DCLK1: variants seen among roughly 807,000 people sequenced by gnomAD.
The protein encoded by DCLK1 is doublecortin like kinase 1.
DCLK1 carries 16 observed loss-of-function variants against 86.2 expected under a neutral mutation model. The ratio of observed to expected loss-of-function variants is 0.19; its 90% CI spans 0.13 to 0.28. The LOEUF (loss-of-function observed/expected upper bound fraction) is 0.28, where lower values mean the gene tolerates loss of function less well. Among genes scored for constraint, DCLK1 ranks in the 10% least tolerant of loss-of-function variants. DCLK1 has a pLI of 1.00. For missense variants in DCLK1, 590 were observed against 940.2 expected (o/e 0.63, Z 4.87); for synonymous variants, 369 against 370.5 (o/e 1.00, Z 0.05).
chr13:35,955,946 G>A (rs1475339946), intron 3 of DCLK1, among the ~76,000 whole-genome samples: 1 of 152,140 alleles, frequency 6.6e-6, no homozygotes. Flanking sequence ...GGGAAAGAGA[G>A]GTATGAAGAA....
intron 3 of DCLK1, among the ~76,000 whole-genome samples, chr13:36,004,864 C>T (rs1444327519): frequency 6.6e-6 from 1 of 152,214 alleles, no homozygotes; most frequent in Admixed American, 6.5e-5. Flanking sequence ...AGGCGTGAGC[C>T]ACCGCACCTG....
intron 3 of DCLK1, among the ~76,000 whole-genome samples, chr13:36,064,117 C>A (rs573269905): frequency 1.3e-5 from 2 of 152,116 alleles, no homozygotes; most frequent in Admixed American, 6.5e-5. Flanking sequence ...ACTATTCACA[C>A]GTGATGTTAT....
At chr13:35,948,389 T>C (rs1877495674) in intron 3 of DCLK1, among the ~76,000 whole-genome samples, 1 of 152,182 alleles carries the variant, frequency 6.6e-6, no homozygotes, top group Admixed American at 6.5e-5. Context: ...AATAGCATTT[T>C]CTCCTGGATA....
chr13:36,055,915 C>G (rs1308732640), intron 3 of DCLK1, among the ~76,000 whole-genome samples: 2 of 152,082 alleles, frequency 1.3e-5, no homozygotes, highest in Admixed American at 1.3e-4. Flanking sequence ...GCCATTCTAA[C>G]TGGTGTGAGA....
At position 35,796,937 on chromosome 13, in the gene DCLK1, T is replaced by C. The variant is rs148032210; in HGVS notation, c.1945-3458A>G. Among the ~76,000 whole-genome samples, 231 of 152,292 alleles carry C rather than the reference T, an allele frequency of 1.5e-3. 1 individual carries two copies. The highest frequency in any genetic ancestry group is 5.4e-3 in the African/African-American group (225 of 41,580). ...TTAATGGAGCCTGGGAATCATCTGGTGGTCAATAAAAGAGACGCTGAGCAT... is the reference window on the plus strand; with the variant it reads ...TTAATGGAGCCTGGGAATCATCTGGCGGTCAATAAAAGAGACGCTGAGCAT... On this transcript the variant is annotated intron_variant, in intron 15 of 16. Coordinates refer to ENST00000360631, the MANE Select transcript of DCLK1 (RefSeq NM_001330071.2).
chr13:35,920,572 A>G (rs989131792), intron 4 of DCLK1, among the ~76,000 whole-genome samples: 3 of 152,158 alleles, frequency 2.0e-5, no homozygotes, highest in African/African-American at 7.2e-5. Context: ...TGTGGAGGAA[A>G]CCAATGAGTG....
At chr13:36,096,468 G>A (rs1020308246) in intron 3 of DCLK1, among the ~76,000 whole-genome samples, 2 of 152,234 alleles carry the variant, frequency 1.3e-5, no homozygotes, top group Admixed American at 1.3e-4. Context: ...CAGCTTTACT[G>A]TACGGCAGAA....
chr13:35,985,889 A>G (rs908652027), intron 3 of DCLK1, among the ~76,000 whole-genome samples: 4 of 152,220 alleles, frequency 2.6e-5, no homozygotes, highest in African/African-American at 7.2e-5. Flanking sequence ...TCAGGAAGAA[A>G]GCCACATCCT....
At chr13:36,016,751 A>T (rs1173728241) in intron 3 of DCLK1, among the ~76,000 whole-genome samples, 1 of 152,254 alleles carries the variant, frequency 6.6e-6, no homozygotes, top group African/African-American at 2.4e-5. Flanking sequence ...TAAACTAAAA[A>T]GAAATAAATG....
intron 3 of DCLK1, among the ~76,000 whole-genome samples, chr13:36,038,920 T>C (rs1882603958): frequency 6.6e-6 from 1 of 152,232 alleles, no homozygotes; most frequent in South Asian, 2.1e-4. Flanking sequence ...TCTTGAGCAC[T>C]CATTTTAGAA....
chr13:35,837,296 A>G (rs139720931), intron 7 of DCLK1, among the ~76,000 whole-genome samples: 53 of 152,316 alleles, frequency 3.5e-4, no homozygotes, highest in African/African-American at 1.2e-3. Context: ...GAAAGCGTTG[A>G]ACAAATGTAG....
intron 4 of DCLK1, among the ~76,000 whole-genome samples, chr13:35,881,106 A>C (rs1167682268): frequency 1.3e-5 from 2 of 152,132 alleles, no homozygotes; most frequent in Non-Finnish European, 2.9e-5. Flanking sequence ...GCCGGGGAAA[A>C]ACCCCCTTTC....
chr13:36,019,800 G>A (rs955235444), intron 3 of DCLK1, among the ~76,000 whole-genome samples: 4 of 152,146 alleles, frequency 2.6e-5, no homozygotes, highest in Non-Finnish European at 5.9e-5. Flanking sequence ...ACAGCGAAAG[G>A]CACATTGTAA....
At chr13:35,997,052 G>GC (rs11377228) in intron 3 of DCLK1, among the ~76,000 whole-genome samples, 69,086 of 152,020 alleles carry the variant, frequency 0.45, 16,147 homozygotes, top group Admixed American at 0.51. Context: ...GTTTAATGAT[G>GC]TTTGAGTTGA....
chr13:35,952,459 C>T (rs2153134610), intron 3 of DCLK1, among the ~76,000 whole-genome samples: 1 of 152,288 alleles, frequency 6.6e-6, no homozygotes, highest in Non-Finnish European at 1.5e-5. Context: ...CAGAATGATG[C>T]TGCGAAAAGT....
At position 35,914,350 on chromosome 13, in the gene DCLK1, CATATATATATATATATATGT is replaced by C. The variant is rs1566600259; in HGVS notation, c.823+32988_823+33007del. ...AAAAAAAAATATATATATATATATA[CATATATATATATATATATGT>C]ATATATATATATATATATATAAGCA... On this transcript the variant is annotated intron_variant, in intron 4 of 16. Coordinates refer to ENST00000360631, the MANE Select transcript of DCLK1 (RefSeq NM_001330071.2). Among the ~76,000 whole-genome samples the C allele has an allele frequency of 1.6e-3, 154 of 94,212 alleles. 1 individual carries two copies. The highest frequency in any genetic ancestry group is 7.3e-3 in the African/African-American group (151 of 20,552). 61.8% of individuals were successfully genotyped at this position (94,212 alleles called of 152,430 possible). A position where few individuals can be genotyped will look rare whatever the true frequency, so the allele number is the denominator to read the frequency against.
At chr13:35,783,859 T>G (rs1029553119) in intron 16 of DCLK1, among the ~76,000 whole-genome samples, 1 of 152,178 alleles carries the variant, frequency 6.6e-6, no homozygotes, top group African/African-American at 2.4e-5. Context: ...GTGTTGGGAT[T>G]ACAGGTGTGA....
At chr13:35,994,548 T>C (rs1289454963) in intron 3 of DCLK1, among the ~76,000 whole-genome samples, 3 of 152,166 alleles carry the variant, frequency 2.0e-5, no homozygotes, top group Admixed American at 6.5e-5. Context: ...CTGGTAATTA[T>C]ACTAAAAATA....
intron 3 of DCLK1, among the ~76,000 whole-genome samples, chr13:35,991,004 C>T (rs1435127830): frequency 1.3e-5 from 2 of 152,280 alleles, no homozygotes; most frequent in African/African-American, 4.8e-5. Flanking sequence ...GACATACCCT[C>T]TCCTTGGTGA....
Sources: gnomAD v4.1 joint callset for allele counts (sites outside exome capture counted in the v4.1 genomes callset) on GRCh38, gnomAD v4.1.1 for gene constraint, MANE v1.5 for transcripts, NCBI Gene and HGNC (gene_info 2026-07-23, HGNC 2026-07-21) for gene names.